The following RIOK3 variants were observed in gnomAD, a reference collection of about 807,000 sequenced individuals.
RIOK3 encodes RIO kinase 3.
In RIOK3, 40 loss-of-function variants were observed where a neutral mutation model predicts 63.5. That is an observed-to-expected ratio of 0.63 (90% CI 0.49 to 0.82). The LOEUF is 0.82. Ranked by LOEUF, RIOK3 falls within the 40% of genes least tolerant of loss-of-function variation. The pLI is 0.00. For missense variants in RIOK3, 557 were observed against 637.0 expected (o/e 0.87, Z 1.35); for synonymous variants, 193 against 205.0 (o/e 0.94, Z 0.50).
intron 1 of RIOK3, among the ~76,000 whole-genome samples, chr18:23,455,946 T>C (rs372504623): frequency 4.6e-5 from 7 of 152,204 alleles, no homozygotes; most frequent in African/African-American, 1.4e-4. Flanking sequence ...TACAGGTGCA[T>C]GCCACCATGC....
rs574233158 is a variant in RIOK3 at position 23,453,333 on chromosome 18, T to A, written c.-107T>A. ...CGTCGCCGCCATCTGTCACCTCCAC[T>A]CCGGCATCAGCAGCCAGTCGCCCGT... On this transcript the variant is annotated 5_prime_UTR_variant, in exon 1 of 13. Transcript: ENST00000339486. The A allele has an allele frequency of 1.1e-6, 1 of 924,378 alleles. No homozygotes were observed. The highest frequency in any genetic ancestry group is 1.8e-5 in the Admixed American group (1 of 56,890). The allele number at this position is 924,378 out of a possible 1,614,324, so 57.3% of individuals were successfully genotyped here.
intron 8 of RIOK3, among the ~76,000 whole-genome samples, chr18:23,474,550 T>C (rs1240986973): frequency 6.6e-6 from 1 of 152,156 alleles, no homozygotes; most frequent in Non-Finnish European, 1.5e-5. Context: ...ACATTGCCCT[T>C]CCTCCTACTC....
chr18:23,466,111 T>C (rs976959633), intron 5 of RIOK3, 22 bp from the exon 6 acceptor site: 12 of 1,555,576 alleles, frequency 7.7e-6, no homozygotes, highest in Non-Finnish European at 9.5e-6. Context: ...AATATTTAGA[T>C]GCTAATTCTT....
chr18:23,467,642 G>A, intron 7 of RIOK3, 116 bp downstream of exon 7: 1 of 1,015,730 alleles, frequency 9.8e-7, no homozygotes, highest in South Asian at 1.6e-5. Context: ...AATTTTTAAA[G>A]TGTTATTGTA....
rs566708736 is a variant in RIOK3 at position 23,475,006 on chromosome 18, G to A, written c.1072G>A (p.Val358Ile). Residue 358 changes from valine to isoleucine, a missense_variant, in exon 9 of 13, where the codon GTT becomes ATT. By Grantham distance (29) the Val-to-Ile change is conservative. This residue lies in a region of RIOK3 where 309 missense variants were observed against 338.7 expected (regional missense o/e 0.91). Transcript: ENST00000339486. ...TGTACTACTGAAGAAACACATTTTA[G>A]TTATGTCTTTTATTGGCCATGATCA... is the stretch of plus-strand genomic sequence containing the variant. ...TVVLLKKHIL[V>I]MSFIGHDQVP... is the part of the protein sequence containing the mutation. 4 of 1,611,806 alleles carry A rather than the reference G, an allele frequency of 2.5e-6. No homozygotes were observed. The highest frequency in any genetic ancestry group is 2.7e-5 in the African/African-American group (2 of 74,974).
intron 8 of RIOK3, among the ~76,000 whole-genome samples, chr18:23,474,236 C>T (rs1241565268): frequency 6.6e-6 from 1 of 151,938 alleles, no homozygotes; most frequent in Non-Finnish European, 1.5e-5. Context: ...ACTGAGAGTT[C>T]CCCACCAAAA....
intron 11 of RIOK3, among the ~76,000 whole-genome samples, chr18:23,477,897 C>T (rs1293663284): frequency 1.3e-5 from 2 of 151,734 alleles, no homozygotes; most frequent in Non-Finnish European, 2.9e-5. Flanking sequence ...TGGTGAAACG[C>T]TGTCTGTACG....
chr18:23,473,655 C>A, intron 8 of RIOK3, 29 bp downstream of exon 8: 2 of 1,533,154 alleles, frequency 1.3e-6, no homozygotes, highest in Non-Finnish European at 1.8e-6. Flanking sequence ...TAGACGTAAT[C>A]TTGGGTAAAT....
intron 9 of RIOK3, among the ~76,000 whole-genome samples, chr18:23,475,332 G>C (rs190769761): frequency 6.6e-6 from 1 of 151,738 alleles, no homozygotes; most frequent in African/African-American, 2.4e-5. Context: ...TTAGCTGGGC[G>C]TGTGCCTGTA....
At chr18:23,477,121 T>G (rs1481398182) in intron 10 of RIOK3, 35 bp downstream of exon 10, 1 of 1,611,560 alleles carries the variant, frequency 6.2e-7, no homozygotes, top group Non-Finnish European at 8.5e-7. Flanking sequence ...TCAGATTTAA[T>G]TACTGTAAGT....
At chr18:23,465,910 A>G (rs2057403679) in intron 5 of RIOK3, among the ~76,000 whole-genome samples, 1 of 152,206 alleles carries the variant, frequency 6.6e-6, no homozygotes, top group Non-Finnish European at 1.5e-5. Flanking sequence ...AATGTTTTCT[A>G]TGCCTGGAAT....
chr18:23,473,611 T>C lies in RIOK3; in HGVS notation c.998T>C (p.Met333Thr). 6.2e-7 allele frequency: 1 copy of C among 1,612,710 alleles called. No homozygotes were observed. Among genetic ancestry groups the C allele is most frequent in the Non-Finnish European group, 8.5e-7 (1 of 1,179,102 alleles). ...KIIRMWAEKEMHNLARMQRAG... is the reference protein window; with the variant it reads ...KIIRMWAEKETHNLARMQRAG... ...ATCCGCATGTGGGCAGAAAAAGAAA[T>C]GCACAATCTCGCAAGGTAAAGAAAA... Residue 333 changes from methionine (M) to threonine (T), a missense_variant, in exon 8 of 13, where the codon ATG (methionine) becomes ACG (threonine). By Grantham distance (81) the Met-to-Thr change is moderately conservative. Around this residue, in one of 3 missense-constraint regions of RIOK3, gnomAD observed 309 missense variants for 338.7 expected, o/e 0.91. Coordinates refer to ENST00000339486, the MANE Select transcript of RIOK3 (RefSeq NM_003831.5).
chr18:23,481,254 A>T lies in RIOK3; in HGVS notation c.1535A>T (p.Asp512Val). The change falls in exon 13 of 13, where the codon GAC becomes GTC. Residue 512 changes from aspartate (D) to valine (V), a missense_variant. Asp to Val is a radical substitution (Grantham distance 152). Around this residue, in one of 3 missense-constraint regions of RIOK3, gnomAD observed 309 missense variants for 338.7 expected, o/e 0.91. Transcript: ENST00000339486. Reference sequence around the variant, plus strand: ...GCTTCATTTTTGAAAGATGATGGAGACCCACCACTACTATATGATGAATAG... The same window carrying T: ...GCTTCATTTTTGAAAGATGATGGAGTCCCACCACTACTATATGATGAATAG... ...KAASFLKDDG[D>V]PPLLYDE 6.2e-7 allele frequency: 1 copy of T among 1,606,172 alleles called. No homozygotes were observed. The highest frequency in any genetic ancestry group is 1.7e-5 in the Admixed American group (1 of 59,354).
intron 1 of RIOK3, among the ~76,000 whole-genome samples, chr18:23,458,888 A>C (rs533779654): frequency 3.9e-4 from 60 of 152,150 alleles, no homozygotes; most frequent in Non-Finnish European, 7.8e-4. Context: ...TGGCTTGAAG[A>C]GTTTGGGTTT....
chr18:23,464,584 G>C lies in RIOK3; in HGVS notation c.499G>C (p.Asp167His). The change falls in exon 5 of 13, where the codon GAT becomes CAT. Residue 167 changes from aspartate to histidine, a missense_variant. Physicochemically the swap from Asp to His is moderately conservative, Grantham distance 81 (BLOSUM62 -1). Around this residue, in one of 3 missense-constraint regions of RIOK3, gnomAD observed 243 missense variants for 275.4 expected, o/e 0.88. Transcript: ENST00000339486. ...GKGKDITTKH[D>H]EVVCGRKNTA... ...AGGAAAAGATATCACCACCAAACAT[G>C]ATGAAGTAGTATGTGGGAGAAAGAA... The C allele has an allele frequency of 2.5e-6, 4 of 1,607,680 alleles. No individual in the cohort carries two copies. The highest frequency in any genetic ancestry group is 3.4e-6 in the Non-Finnish European group (4 of 1,178,048).
Position 23,467,465 on chromosome 18 carries a change from AC to A in RIOK3, c.755del (p.Thr252LysfsTer68). 1 of 1,613,724 alleles carries A rather than the reference AC, an allele frequency of 6.2e-7. No individual in the cohort carries two copies. The highest frequency in any genetic ancestry group is 8.5e-7 in the Non-Finnish European group (1 of 1,179,658). ...AATGGTCAACTCTGGAATGTTGGAG[AC>A]AATCACTGGCTGTATTAGTACAGGA... ...YKMVNSGMLE[T>X]ITGCISTGKE... On this transcript the variant is annotated frameshift_variant, in exon 7 of 13. Coordinates refer to ENST00000339486, the MANE Select transcript of RIOK3 (RefSeq NM_003831.5). LOFTEE classifies it high-confidence loss of function.
chr18:23,468,349 G>T (rs1488656923), intron 7 of RIOK3, among the ~76,000 whole-genome samples: 4 of 136,268 alleles, frequency 2.9e-5, no homozygotes, highest in Non-Finnish European at 6.1e-5. Flanking sequence ...GTTGCCCAGG[G>T]TGGAGTACAA....
At chr18:23,464,383 C>A (rs1455300725) in intron 4 of RIOK3, 70 bp downstream of exon 4, 34 of 1,241,674 alleles carry the variant, frequency 2.7e-5, no homozygotes, top group Non-Finnish European at 3.0e-5. Context: ...TCAATGAACT[C>A]TTTTAGTTTT....
chr18:23,477,382 CG>C, intron 11 of RIOK3, 114 bp downstream of exon 11: 1 of 808,418 alleles, frequency 1.2e-6, no homozygotes, highest in Non-Finnish European at 2.1e-6. Flanking sequence ...GGAAGGGATA[CG>C]GGCTGCTTTC....
Sources: gnomAD v4.1 joint callset for allele counts (sites outside exome capture counted in the v4.1 genomes callset) on GRCh38, gnomAD v4.1.1 for gene constraint, gnomAD v4.1.1 regional missense constraint, MANE v1.5 for transcripts, NCBI Gene and HGNC (gene_info 2026-07-23, HGNC 2026-07-21) for gene names.